Variants in NVL observed in about 807,000 individuals in gnomAD.
NVL encodes the protein nuclear valosin-containing protein-like.
Under a neutral mutation model 110.2 loss-of-function variants are expected in NVL, and 84 were observed. The observed-to-expected ratio is 0.76, with a 90% confidence interval of 0.64 to 0.91. NVL has a LOEUF of 0.91. Ranked by LOEUF, NVL falls within the 40% of genes least tolerant of loss-of-function variation. NVL has a pLI of 0.00. For synonymous variants in NVL, 354 were observed against 361.1 expected (o/e 0.98, Z 0.22); for missense variants, 882 against 1,035.9 (o/e 0.85, Z 2.04).
At chr1:224,325,281 C>A (rs1671034976) in intron 2 of NVL, among the ~76,000 whole-genome samples, 1 of 150,648 alleles carries the variant, frequency 6.6e-6, no homozygotes, top group Non-Finnish European at 1.5e-5. Context: ...AAAAAAGACT[C>A]AGGAAGCTGG....
At chr1:224,228,496 G>A (rs2102680861) in intron 22 of NVL, among the ~76,000 whole-genome samples, 2 of 151,442 alleles carry the variant, frequency 1.3e-5, no homozygotes, top group South Asian at 4.2e-4. Context: ...GTAGAGATGG[G>A]GTTTCACCAT....
intron 15 of NVL, among the ~76,000 whole-genome samples, chr1:224,282,858 T>C (rs1260361348): frequency 7.9e-5 from 12 of 152,204 alleles, no homozygotes. Context: ...AATTGTATTA[T>C]TTTGTTATCC....
At chr1:224,240,502 C>T (rs1358569294) in intron 19 of NVL, among the ~76,000 whole-genome samples, 2 of 152,130 alleles carry the variant, frequency 1.3e-5, no homozygotes, top group African/African-American at 2.4e-5. Flanking sequence ...TGAGCCACAG[C>T]GCCCAGCAGA....
chr1:224,257,712 G>A (rs1663451591), intron 18 of NVL, among the ~76,000 whole-genome samples: 1 of 151,972 alleles, frequency 6.6e-6, no homozygotes, highest in Non-Finnish European at 1.5e-5. Context: ...TTGTTTTTGT[G>A]TATTTTTTGT....
At chr1:224,314,848 CT>C (rs1416580000) in intron 4 of NVL, among the ~76,000 whole-genome samples, 2 of 151,938 alleles carry the variant, frequency 1.3e-5, no homozygotes, top group African/African-American at 4.8e-5. Flanking sequence ...AATTAATACC[CT>C]TTTTTTCAAA....
At chr1:224,320,295 G>C (rs1362676808) in intron 2 of NVL, among the ~76,000 whole-genome samples, 4 of 152,164 alleles carry the variant, frequency 2.6e-5, no homozygotes, top group Admixed American at 1.3e-4. Context: ...CATGGATAAA[G>C]GGACATTCTA....
intron 1 of NVL, among the ~76,000 whole-genome samples, chr1:224,328,541 G>A (rs1287396702): frequency 6.6e-6 from 1 of 152,056 alleles, no homozygotes; most frequent in Non-Finnish European, 1.5e-5. Context: ...CAGAATCAGA[G>A]AGATCAGTTA....
chr1:224,327,369 C>T (rs77225843), intron 1 of NVL, among the ~76,000 whole-genome samples: 6,084 of 150,302 alleles, frequency 0.04, 168 homozygotes, highest in East Asian at 0.098. Context: ...CTTGACCCCA[C>T]GAGTTTGAGA....
At chr1:224,252,288 C>T (rs1326302321) in intron 18 of NVL, among the ~76,000 whole-genome samples, 1 of 152,030 alleles carries the variant, frequency 6.6e-6, no homozygotes, top group Non-Finnish European at 1.5e-5. Context: ...CTTGCCAGAC[C>T]CTTGGTATCA....
At chr1:224,235,750 G>A (rs1371351172) in intron 20 of NVL, among the ~76,000 whole-genome samples, 2 of 151,882 alleles carry the variant, frequency 1.3e-5, no homozygotes, top group African/African-American at 4.8e-5. Context: ...GCAATATGGC[G>A]AGACCCTAAA....
chr1:224,256,475 T>C (rs561004528), intron 18 of NVL, among the ~76,000 whole-genome samples: 1 of 136,084 alleles, frequency 7.3e-6, no homozygotes, highest in South Asian at 2.5e-4. Context: ...ACAAAACACA[T>C]CTTAAAGCCA....
intron 16 of NVL, among the ~76,000 whole-genome samples, chr1:224,279,680 T>G (rs1462781048): frequency 6.6e-6 from 1 of 152,212 alleles, no homozygotes; most frequent in Admixed American, 6.5e-5. Context: ...TTTCCTTGTT[T>G]TATTGAAGAA....
At chr1:224,294,627 A>G (rs2102655534) in intron 11 of NVL, among the ~76,000 whole-genome samples, 1 of 152,318 alleles carries the variant, frequency 6.6e-6, no homozygotes, top group African/African-American at 2.4e-5. Flanking sequence ...TCTATTGAGA[A>G]ACATTGAGTG....
At chr1:224,309,243 C>A (rs1469967728) in intron 5 of NVL, among the ~76,000 whole-genome samples, 1 of 152,006 alleles carries the variant, frequency 6.6e-6, no homozygotes, top group East Asian at 1.9e-4. Flanking sequence ...TGGGACTGGG[C>A]GTGGTAGCTC....
rs570934322 is a variant in NVL at position 224,243,430 on chromosome 1, C to T, written c.2289+6782G>A. On this transcript the variant is annotated intron_variant, in intron 19 of 22. Transcript: ENST00000281701. ...GAGCCAAGACCGCACCACTGCCCTC[C>T]AGCCTGGGTGACAGAGCAAGACCTT... 4.6e-5 allele frequency among the ~76,000 whole-genome samples: 7 copies of T among 152,174 alleles called. No homozygotes were observed. In the East Asian group the frequency reaches 1.4e-3, roughly 29 times the overall value.
chr1:224,261,939 C>T (rs1171873446), intron 18 of NVL, among the ~76,000 whole-genome samples: 1 of 151,948 alleles, frequency 6.6e-6, no homozygotes, highest in Non-Finnish European at 1.5e-5. Context: ...CTAGCCTAGG[C>T]TATAGAGTGA....
intron 15 of NVL, 103 bp from the exon 16 acceptor site, chr1:224,281,288 T>TGTGC (rs1553320779): frequency 1.4e-6 from 1 of 715,340 alleles, no homozygotes; most frequent in Non-Finnish European, 2.4e-6. Context: ...TGTGTGCGTG[T>TGTGC]GTGTGTGTGT....
chr1:224,326,463 T>A lies in NVL; in HGVS notation c.59A>T (p.Tyr20Phe). 2.5e-6 allele frequency: 4 copies of A among 1,604,200 alleles called. No individual in the cohort carries two copies. The highest frequency in any genetic ancestry group is 3.4e-6 in the Non-Finnish European group (4 of 1,173,384). ...TTTGCCACATTTGTTACTGGTAAGG[T>A]ACTAAAACAGAAAATATAACAAATA... is the stretch of plus-strand genomic sequence containing the variant. ...DNKLKQRVIQ[Y>F]LTSNKCGKYV... The change falls in exon 2 of 23, where the codon TAC (tyrosine) becomes TTC (phenylalanine). Residue 20 changes from tyrosine (Y) to phenylalanine (F), a missense_variant and splice_region_variant. Transcript: ENST00000281701.
intron 1 of NVL, among the ~76,000 whole-genome samples, chr1:224,327,671 A>C (rs1325564685): frequency 2.0e-5 from 3 of 151,912 alleles, no homozygotes; most frequent in Non-Finnish European, 4.4e-5. Context: ...ATTTAGAATA[A>C]GGGATATTCA....
Sources: allele counts gnomAD v4.1 joint callset (sites outside exome capture counted in the v4.1 genomes callset), GRCh38; gene constraint gnomAD v4.1.1; transcripts MANE v1.5; gene names NCBI Gene and HGNC (gene_info 2026-07-23, HGNC 2026-07-21).